DMD: variants seen among roughly 807,000 people sequenced by gnomAD.
DMD encodes the protein dystrophin.
Under a neutral mutation model 330.1 loss-of-function variants are expected in DMD, and 63 were observed. That is an observed-to-expected ratio of 0.19 (90% CI 0.16 to 0.24). The LOEUF is 0.24. Ranked by LOEUF, DMD falls within the 10% of genes least tolerant of loss-of-function variation. The probability of loss-of-function intolerance (pLI) is 1.00; values close to 1 mark genes in which losing one functional copy is unlikely to be tolerated. For synonymous variants in DMD, 1,223 were observed against 959.8 expected (o/e 1.27, Z -5.07); for missense variants, 3,344 against 2,684.1 (o/e 1.25, Z -5.43).
intron 1 of DMD, among the ~76,000 whole-genome samples, chrX:33,311,726 C>T (rs997413324): frequency 1.8e-5 from 2 of 109,282 alleles, no homozygotes; most frequent in African/African-American, 3.3e-5. Flanking sequence ...TGCTCTTATG[C>T]GTAGGGTTCT....
chrX:32,909,872 T>C (rs1399900941), intron 2 of DMD, among the ~76,000 whole-genome samples: 1 of 112,194 alleles, frequency 8.9e-6, no homozygotes, highest in Non-Finnish European at 1.9e-5. Context: ...GCAAGCCTTT[T>C]GTTCTTCACT....
rs1359454458 is a variant in DMD at position 31,444,759 on chromosome X, T to TC, written c.8938-133dup. ...CTATGCTACGGTTTGAATGTTTGTG[T>TC]CCCCCCTCAAATTCCTATGTTGAAA... is the stretch of plus-strand genomic sequence containing the variant. On this transcript the variant is annotated intron_variant, in intron 59 of 78. Coordinates refer to ENST00000357033, the MANE Select transcript of DMD (RefSeq NM_004006.3). The TC allele has an allele frequency of 3.5e-5, 25 of 713,413 alleles. No individual in the cohort carries two copies. In the Admixed American group the frequency reaches 4.7e-4, roughly 13 times the overall value. 58.8% of individuals were successfully genotyped at this position (713,413 alleles called of 1,213,427 possible). A position where few individuals can be genotyped will look rare whatever the true frequency, so the allele number is the denominator to read the frequency against.
chrX:32,079,775 TTC>T (rs939038564), intron 44 of DMD, among the ~76,000 whole-genome samples: 3 of 112,119 alleles, frequency 2.7e-5, no homozygotes, highest in Non-Finnish European at 5.6e-5. Context: ...TTATTTTGTT[TTC>T]TGTCTCCTGT....
chrX:31,741,573 G>T (rs910529959), intron 51 of DMD, among the ~76,000 whole-genome samples: 1 of 110,808 alleles, frequency 9.0e-6, no homozygotes, highest in African/African-American at 3.3e-5. Context: ...ACATTTTTTT[G>T]AGAAGTAGGT....
chrX:32,382,376 T>C (rs775905623), intron 33 of DMD, among the ~76,000 whole-genome samples: 1 of 111,082 alleles, frequency 9.0e-6, no homozygotes, highest in South Asian at 3.7e-4. Context: ...TGTGTGTCTA[T>C]GTGTATGTGT....
At chrX:31,206,860 C>T (rs2044123268) in intron 65 of DMD, among the ~76,000 whole-genome samples, 193 bp from the exon 66 acceptor site, 1 of 111,523 alleles carries the variant, frequency 9.0e-6, no homozygotes, top group African/African-American at 3.3e-5. Context: ...TGACTGATGA[C>T]CTACAATGCA....
intron 44 of DMD, among the ~76,000 whole-genome samples, chrX:32,136,591 C>G (rs1033626734): frequency 3.0e-5 from 3 of 101,495 alleles, no homozygotes; most frequent in Non-Finnish European, 5.9e-5. Flanking sequence ...CAAAACAAAA[C>G]AAAACAAATG....
At chrX:32,564,297 T>C (rs1261950742) in intron 16 of DMD, among the ~76,000 whole-genome samples, 2 of 111,778 alleles carry the variant, frequency 1.8e-5, no homozygotes, top group Non-Finnish European at 3.8e-5. Context: ...GGGATGCACG[T>C]CAAAATAACT....
At chrX:32,864,136 A>G (rs148099339) in intron 2 of DMD, among the ~76,000 whole-genome samples, 205 of 111,673 alleles carry the variant, frequency 1.8e-3, no homozygotes, top group African/African-American at 6.2e-3. Flanking sequence ...TTTTTATATG[A>G]CTCTACCTCA....
intron 1 of DMD, chrX:33,041,450 T>C: frequency 8.3e-7 from 1 of 1,203,387 alleles, no homozygotes; most frequent in Non-Finnish European, 1.1e-6. Flanking sequence ...GTGAAGCGGT[T>C]GGTCAAATAA....
intron 1 of DMD, among the ~76,000 whole-genome samples, chrX:33,129,711 C>A (rs1012093283): frequency 1.8e-5 from 2 of 109,967 alleles, no homozygotes; most frequent in Non-Finnish European, 3.8e-5. Context: ...TCTCATTAAT[C>A]GTACCGTATT....
intron 1 of DMD, among the ~76,000 whole-genome samples, chrX:33,080,975 C>CAT (rs1491254538): frequency 9.9e-5 from 5 of 50,417 alleles, no homozygotes; most frequent in Admixed American, 9.8e-4. Flanking sequence ...TTATAAACAT[C>CAT]ACACACACAC....
chrX:33,166,927 A>C (rs974669595), intron 1 of DMD, among the ~76,000 whole-genome samples: 2 of 110,872 alleles, frequency 1.8e-5, no homozygotes, highest in Admixed American at 1.9e-4. Flanking sequence ...AACACATTTA[A>C]AAGTGGTTTA....
intron 1 of DMD, among the ~76,000 whole-genome samples, chrX:33,218,759 C>T (rs181554082): frequency 1.3e-4 from 15 of 111,146 alleles, no homozygotes; most frequent in African/African-American, 4.9e-4. Context: ...TATTATAATC[C>T]CATAGGACAA....
intron 1 of DMD, among the ~76,000 whole-genome samples, chrX:33,127,661 G>A (rs187512083): frequency 2.2e-4 from 22 of 102,094 alleles, no homozygotes; most frequent in African/African-American, 7.8e-4. Context: ...GCATAAATAA[G>A]CCCATATATA....
At chrX:32,262,875 C>G (rs925736259) in intron 43 of DMD, among the ~76,000 whole-genome samples, 1 of 111,817 alleles carries the variant, frequency 8.9e-6, no homozygotes, top group Non-Finnish European at 1.9e-5. Context: ...CGGTAATACT[C>G]TAAATGGTCA....
chrX:32,310,089 G>A lies in DMD; in HGVS notation c.6110C>T (p.Ser2037Phe). The change falls in exon 42 of 79, where the codon TCT (serine) becomes TTT (phenylalanine). Residue 2037 changes from serine (S) to phenylalanine (F), a missense_variant. Transcript: ENST00000357033. Reference sequence around the variant, plus strand: ...AAAGTGCTTTGGTTTTACCTTCAGAGACTCCTCTTGCTTAAAGAGATCTTC... The same window carrying A: ...AAAGTGCTTTGGTTTTACCTTCAGAAACTCCTCTTGCTTAAAGAGATCTTC... ...DFEDLFKQEESLKNIKDSLQQ... is the reference protein window; with the variant it reads ...DFEDLFKQEEFLKNIKDSLQQ... 3 of 1,207,503 alleles carry A rather than the reference G, an allele frequency of 2.5e-6. No homozygotes were observed. Among genetic ancestry groups the A allele is most frequent in the Non-Finnish European group, 3.4e-6 (3 of 892,385 alleles).
At chrX:31,196,484 T>C (rs900751582) in intron 67 of DMD, among the ~76,000 whole-genome samples, 1 of 110,555 alleles carries the variant, frequency 9.0e-6, no homozygotes, top group Non-Finnish European at 1.9e-5. Context: ...GAAACCTAAG[T>C]GAAGGAGGGT....
At chrX:32,598,151 T>C (rs1217451443) in intron 12 of DMD, among the ~76,000 whole-genome samples, 1 of 112,425 alleles carries the variant, frequency 8.9e-6, no homozygotes, top group Non-Finnish European at 1.9e-5. Context: ...CACTTCTTTT[T>C]ACTTCGTCTC....
Sources: gnomAD v4.1 joint callset for allele counts (sites outside exome capture counted in the v4.1 genomes callset) on GRCh38, gnomAD v4.1.1 for gene constraint, MANE v1.5 for transcripts, NCBI Gene and HGNC (gene_info 2026-07-23, HGNC 2026-07-21) for gene names.